PHACTR3: variants seen among roughly 807,000 people sequenced by gnomAD.
PHACTR3 encodes phosphatase and actin regulator 3, also known as protein phosphatase 1, regulatory subunit 123.
PHACTR3 carries 16 observed loss-of-function variants against 66.8 expected under a neutral mutation model. The ratio of observed to expected loss-of-function variants is 0.24; its 90% CI spans 0.16 to 0.36. The LOEUF (loss-of-function observed/expected upper bound fraction) is 0.36. Ranked by LOEUF, PHACTR3 falls within the 10% of genes least tolerant of loss-of-function variation. PHACTR3 has a pLI of 1.00. For synonymous variants in PHACTR3, 323 were observed against 292.1 expected (o/e 1.11, Z -1.08); for missense variants, 647 against 719.9 (o/e 0.90, Z 1.16).
chr20:59,815,422 TTTTTTTTTTG>T (rs1321946109), intron 8 of PHACTR3, among the ~76,000 whole-genome samples: 3 of 149,474 alleles, frequency 2.0e-5, no homozygotes, highest in African/African-American at 7.6e-5. Context: ...GTTCTGGTTT[TTTTTTTTTTG>T]TTTTTTTTTT....
chr20:59,746,322 G>T (rs1028743220), intron 2 of PHACTR3, among the ~76,000 whole-genome samples: 1 of 152,192 alleles, frequency 6.6e-6, no homozygotes, highest in South Asian at 2.1e-4. Context: ...ATTCCTCCTC[G>T]CCCACTTCTA....
At chr20:59,601,432 A>G (rs370382281), upstream of PHACTR3, among the ~76,000 whole-genome samples, 1 of 152,226 alleles carries the variant, frequency 6.6e-6, no homozygotes, top group East Asian at 1.9e-4. Flanking sequence ...GTTCATTCCA[A>G]TAGGGTTTCT....
intron 1 of PHACTR3, among the ~76,000 whole-genome samples, chr20:59,674,727 C>CT (rs1453283559): frequency 1.0e-5 from 1 of 100,068 alleles, no homozygotes; most frequent in African/African-American, 3.9e-5. Context: ...CCTGTTCCCC[C>CT]TCCTCCTGTT....
chr20:59,834,992 C>T (rs2042483932), intron 8 of PHACTR3, among the ~76,000 whole-genome samples: 1 of 152,208 alleles, frequency 6.6e-6, no homozygotes, highest in Non-Finnish European at 1.5e-5. Context: ...TGTTGGGCCT[C>T]CTTCAAAGCT....
At chr20:59,750,273 G>A (rs1399620770) in intron 3 of PHACTR3, among the ~76,000 whole-genome samples, 1 of 152,030 alleles carries the variant, frequency 6.6e-6, no homozygotes, top group Non-Finnish European at 1.5e-5. Context: ...GGAGGACCTA[G>A]GCTGGTTCTC....
chr20:59,825,111 G>C (rs1021495299), intron 8 of PHACTR3, among the ~76,000 whole-genome samples: 1 of 152,216 alleles, frequency 6.6e-6, no homozygotes, highest in Non-Finnish European at 1.5e-5. Flanking sequence ...GGATTCAGCA[G>C]TGACCAGGTA....
chr20:59,631,048 C>G (rs1005062995), intron 1 of PHACTR3, among the ~76,000 whole-genome samples: 12 of 152,034 alleles, frequency 7.9e-5, no homozygotes, highest in Admixed American at 3.3e-4. Flanking sequence ...TGTTAGCTGT[C>G]ATTGTGGAAT....
intron 1 of PHACTR3, among the ~76,000 whole-genome samples, chr20:59,643,902 G>A (rs937447706): frequency 3.9e-5 from 6 of 152,254 alleles, no homozygotes; most frequent in African/African-American, 9.6e-5. Flanking sequence ...GCAGGCATTC[G>A]GTCCTGCTTG....
intron 1 of PHACTR3, among the ~76,000 whole-genome samples, chr20:59,700,196 A>G (rs1384241924): frequency 3.3e-5 from 5 of 152,264 alleles, no homozygotes; most frequent in East Asian, 1.9e-4. Context: ...AGATCATTTC[A>G]TGGAGATGGA....
chr20:59,715,048 T>C (rs912452764), intron 1 of PHACTR3, among the ~76,000 whole-genome samples: 3 of 152,230 alleles, frequency 2.0e-5, no homozygotes, highest in Non-Finnish European at 2.9e-5. Context: ...TAAATTATTC[T>C]AATTAAGATT....
intron 1 of PHACTR3, among the ~76,000 whole-genome samples, chr20:59,684,537 C>A (rs1050486739): frequency 6.6e-5 from 10 of 152,148 alleles, no homozygotes; most frequent in Non-Finnish European, 1.3e-4. Context: ...CTGCAATCCA[C>A]CCTAGGCTGA....
chr20:59,682,142 C>A (rs1457061011), intron 1 of PHACTR3, among the ~76,000 whole-genome samples: 1 of 152,168 alleles, frequency 6.6e-6, no homozygotes. Flanking sequence ...GAGTTCGAGG[C>A]CAGCCTGGCC....
intron 11 of PHACTR3, 37 bp from the exon 12 acceptor site, chr20:59,845,152 A>T: frequency 7.7e-7 from 1 of 1,299,810 alleles, no homozygotes; most frequent in Non-Finnish European, 1.1e-6. Context: ...GATTTTTTTA[A>T]TATCCTGTAA....
chr20:59,577,558 C>G, exon 1 of PHACTR3: 1 of 1,196,472 alleles, frequency 8.4e-7, no homozygotes, highest in Non-Finnish European at 1.0e-6. Context: ...CCCCTGCGCT[C>G]GCTGCTGGGC....
rs1460370743 is a variant in PHACTR3 at position 59,747,742 on chromosome 20, T to C, written c.281-16T>C. 6.2e-7 allele frequency: 1 copy of C among 1,612,760 alleles called. No individual in the cohort carries two copies. Among genetic ancestry groups the C allele is most frequent in the Non-Finnish European group, 8.5e-7 (1 of 1,179,372 alleles). Reference sequence around the variant, plus strand: ...CCTTTGCCTGAGACTCACCTGTGTGTTTGTGTGTTGGGCAGCGCTGGAGAA... The same window carrying C: ...CCTTTGCCTGAGACTCACCTGTGTGCTTGTGTGTTGGGCAGCGCTGGAGAA... On this transcript the variant is annotated splice_polypyrimidine_tract_variant and intron_variant, in intron 2 of 12. Transcript: ENST00000371015.
At position 59,622,989 on chromosome 20, in the gene PHACTR3, A is replaced by AAAAAAAAAAAAAAAAAC. The variant is rs1325417969; in HGVS notation, c.118+17869_118+17870insAAAACAAAAAAAAAAAA. Among the ~76,000 whole-genome samples the AAAAAAAAAAAAAAAAAC allele has an allele frequency of 3.2e-3, 450 of 141,390 alleles. 45 individuals are homozygous for AAAAAAAAAAAAAAAAAC. Among genetic ancestry groups the AAAAAAAAAAAAAAAAAC allele is most frequent in the Admixed American group, 0.021 (258 of 12,474 alleles). 92.8% of individuals were successfully genotyped at this position (141,390 alleles called of 152,430 possible). A position where few individuals can be genotyped will look rare whatever the true frequency, so the allele number is the denominator to read the frequency against. ...TTTACAGCAGCTTTAACCAAAAAAA[A>AAAAAAAAAAAAAAAAAC]AAAAAAAAAAAACCCAAATCTTCAG... On this transcript the variant is annotated intron_variant, in intron 1 of 12. Coordinates refer to ENST00000371015, the MANE Select transcript of PHACTR3 (RefSeq NM_080672.5).
chr20:59,806,203 C>T lies in PHACTR3; in HGVS notation c.1328+9C>T, dbSNP rs546108703. The T allele has an allele frequency of 3.7e-6, 6 of 1,613,010 alleles. No homozygotes were observed. Among genetic ancestry groups the T allele is most frequent in the Non-Finnish European group, 5.1e-6 (6 of 1,179,496 alleles). The stretch of plus-strand genomic sequence containing the variant: ...GAGATGAAGCTTTCCAAGTAAGTGG[C>T]AGCTTGCGGGCACAGCCGGGCCTGT... On this transcript the variant is annotated intron_variant, in intron 8 of 12. Coordinates refer to ENST00000371015, the MANE Select transcript of PHACTR3 (RefSeq NM_080672.5).
At chr20:59,833,969 A>G (rs953840919) in intron 8 of PHACTR3, among the ~76,000 whole-genome samples, 5 of 152,148 alleles carry the variant, frequency 3.3e-5, no homozygotes, top group African/African-American at 1.2e-4. Context: ...GTTTGGAAAT[A>G]GGATGTCATG....
chr20:59,820,525 T>C lies in PHACTR3; in HGVS notation c.1328+14331T>C, dbSNP rs2042004615. On this transcript the variant is annotated intron_variant, in intron 8 of 12. Transcript: ENST00000371015. This position sits in a 1 kb window ranked among gnomAD's most constrained non-coding sequence, Gnocchi z 4.6. ...CAGAGGATATAAATATGACGCTTCA[T>C]CGTCTTGGGTGGAAGTCCCCGTGTA... 6.6e-6 allele frequency among the ~76,000 whole-genome samples: 1 copy of C among 152,168 alleles called. No homozygotes were observed. The highest frequency in any genetic ancestry group is 2.4e-5 in the African/African-American group (1 of 41,434).
Sources: gnomAD v4.1 joint callset for allele counts (sites outside exome capture counted in the v4.1 genomes callset) on GRCh38, gnomAD v4.1.1 for gene constraint, Gnocchi (gnomAD v3.1) non-coding constraint, MANE v1.5 for transcripts, NCBI Gene and HGNC (gene_info 2026-07-23, HGNC 2026-07-21) for gene names.